The following CNBD1 variants were observed in gnomAD, a reference collection of about 807,000 sequenced individuals.
CNBD1 encodes cyclic nucleotide-binding domain-containing protein 1.
A neutral mutation model predicts 54.4 loss-of-function variants in CNBD1; 71 were observed. That is an observed-to-expected ratio of 1.30 (90% CI 1.08 to 1.59). The LOEUF is 1.59. Ranked by LOEUF, CNBD1 falls within the 40% of genes most tolerant of loss-of-function variation. The probability of loss-of-function intolerance (pLI) is 0.00; values close to 1 mark genes in which losing one functional copy is unlikely to be tolerated. For missense variants in CNBD1, 659 were observed against 518.0 expected, an observed-to-expected ratio of 1.27 and a Z score of -2.64; for synonymous variants, 182 against 170.7, an observed-to-expected ratio of 1.07 and a Z score of -0.51.
At chr8:87,424,404 TG>T (rs1808005877) in intron 2 of CNBD1, among the ~76,000 whole-genome samples, 1 of 152,178 alleles carries the variant, frequency 6.6e-6, no homozygotes, top group African/African-American at 2.4e-5. Flanking sequence ...CTTTCTCTTG[TG>T]GGCATTTAGT....
At chr8:87,351,625 A>G (rs1810296141) in intron 8 of CNBD1, 60 bp from the exon 9 acceptor site, 6 of 1,387,776 alleles carry the variant, frequency 4.3e-6, no homozygotes, top group Non-Finnish European at 5.7e-6. Context: ...TTGCTAAAAT[A>G]TCTAAAATAA....
intron 4 of CNBD1, among the ~76,000 whole-genome samples, chr8:86,990,286 G>A (rs916995118): frequency 6.6e-6 from 1 of 152,126 alleles, no homozygotes; most frequent in Non-Finnish European, 1.5e-5. Context: ...CAGCGTCCTA[G>A]ATAGTTTCTC....
rs139046219 is a variant in CNBD1, at chr8:87,399,356, C to T, written c.214-29190C>T. On this transcript the variant is annotated intron_variant, in intron 2 of 7. Transcript: ENST00000521593. ...TAGGAATGATTTAGGGTCACTAGGA[C>T]CTTTCCTGAGTCTTTTCTCTGTTCT... is the stretch of plus-strand genomic sequence containing the variant. Among the ~76,000 whole-genome samples the T allele has an allele frequency of 7.3e-3, 1,113 of 152,110 alleles. 13 individuals are homozygous for T. Among genetic ancestry groups the T allele is most frequent in the African/African-American group, 0.025 (1,047 of 41,534 alleles).
chr8:87,248,972 A>G (rs559553454), intron 6 of CNBD1, among the ~76,000 whole-genome samples: 1 of 152,254 alleles, frequency 6.6e-6, no homozygotes, highest in East Asian at 1.9e-4. Flanking sequence ...GCAACTATAC[A>G]ATTGAAGTAT....
intron 3 of CNBD1, among the ~76,000 whole-genome samples, chr8:86,924,661 T>G (rs1181452524): frequency 6.6e-6 from 1 of 152,100 alleles, no homozygotes; most frequent in African/African-American, 2.4e-5. Context: ...TAGAAGGAAT[T>G]TAGGCTATAA....
intron 4 of CNBD1, among the ~76,000 whole-genome samples, chr8:87,020,361 A>C (rs1441130243): frequency 6.6e-6 from 1 of 152,128 alleles, no homozygotes; most frequent in African/African-American, 2.4e-5. Flanking sequence ...ACTACATGGG[A>C]ATAAGCATTC....
At chr8:87,295,262 A>T (rs1808857910) in intron 8 of CNBD1, among the ~76,000 whole-genome samples, 2 of 151,842 alleles carry the variant, frequency 1.3e-5, no homozygotes, top group Admixed American at 1.3e-4. Context: ...ATCAGTTTTG[A>T]CTTTGACAAA....
chr8:87,326,171 C>A (rs1434796034), intron 8 of CNBD1, among the ~76,000 whole-genome samples: 1 of 128,186 alleles, frequency 7.8e-6, no homozygotes, highest in African/African-American at 2.9e-5. Flanking sequence ...GCCGAGAGAT[C>A]CGCTGTTAGT....
intron 4 of CNBD1, among the ~76,000 whole-genome samples, chr8:87,007,890 C>T (rs1335095085): frequency 6.6e-6 from 1 of 152,044 alleles, no homozygotes; most frequent in African/African-American, 2.4e-5. Context: ...TAGGACATTG[C>T]TCACAAGATC....
chr8:87,052,128 G>T (rs1157342984), intron 4 of CNBD1, among the ~76,000 whole-genome samples: 2 of 152,170 alleles, frequency 1.3e-5, no homozygotes, highest in Non-Finnish European at 2.9e-5. Flanking sequence ...GGCCTGTAAA[G>T]CAAGCACTAG....
chr8:87,284,728 A>C lies in CNBD1; in HGVS notation c.822A>C (p.Glu274Asp). The C allele has an allele frequency of 6.2e-7, 1 of 1,606,200 alleles. No homozygotes were observed. The highest frequency in any genetic ancestry group is 8.5e-7 in the Non-Finnish European group (1 of 1,176,330). ...FGTLEVMPQN[E>D]SETQMFSVVT... Reference sequence around the variant, plus strand: ...CTCTGGAAGTTATGCCTCAGAATGAATCGGAAACACAGATGTTCTCGGTGG... The same window carrying C: ...CTCTGGAAGTTATGCCTCAGAATGACTCGGAAACACAGATGTTCTCGGTGG... Residue 274 changes from glutamate to aspartate, a missense_variant, in exon 7 of 11, where the codon GAA becomes GAC. By Grantham distance (45) the Glu-to-Asp change is conservative. Transcript: ENST00000518476.
intron 3 of CNBD1, among the ~76,000 whole-genome samples, chr8:86,916,588 C>T (rs573490457): frequency 6.6e-6 from 1 of 152,116 alleles, no homozygotes; most frequent in Non-Finnish European, 1.5e-5. Flanking sequence ...ACGTGTAAGT[C>T]TACTTCACCC....
At chr8:87,311,566 A>G (rs1181325872) in intron 8 of CNBD1, among the ~76,000 whole-genome samples, 2 of 152,166 alleles carry the variant, frequency 1.3e-5, no homozygotes, top group African/African-American at 2.4e-5. Context: ...AAATGGAACT[A>G]CTAATAAACC....
chr8:87,181,363 CAA>C (rs1407491978), intron 4 of CNBD1, among the ~76,000 whole-genome samples: 1 of 152,134 alleles, frequency 6.6e-6, no homozygotes, highest in African/African-American at 2.4e-5. Flanking sequence ...CATCTCCTCA[CAA>C]AGATTCCTTG....
At chr8:86,989,307 A>AAATC (rs2130524192) in intron 4 of CNBD1, among the ~76,000 whole-genome samples, 1 of 149,926 alleles carries the variant, frequency 6.7e-6, no homozygotes, top group East Asian at 2.0e-4. Flanking sequence ...ACAAATAAAT[A>AAATC]CATACATACA....
intron 1 of CNBD1, among the ~76,000 whole-genome samples, chr8:86,873,494 A>G (rs1409730914): frequency 6.6e-6 from 1 of 152,002 alleles, no homozygotes; most frequent in African/African-American, 2.4e-5. Flanking sequence ...TATCTTTACA[A>G]TGCTCAGTCT....
intron 4 of CNBD1, among the ~76,000 whole-genome samples, chr8:87,162,721 T>C (rs1812883211): frequency 6.6e-6 from 1 of 152,090 alleles, no homozygotes; most frequent in Admixed American, 6.6e-5. Flanking sequence ...CCCAAAATTG[T>C]GTGTCTTGAT....
chr8:87,407,237 G>C (rs1807666850), intron 2 of CNBD1, among the ~76,000 whole-genome samples: 1 of 151,966 alleles, frequency 6.6e-6, no homozygotes, highest in South Asian at 2.1e-4. Flanking sequence ...GGTTTTACTT[G>C]TTTTAAAATT....
At chr8:87,013,557 C>T (rs1467290602) in intron 4 of CNBD1, among the ~76,000 whole-genome samples, 2 of 150,632 alleles carry the variant, frequency 1.3e-5, no homozygotes, top group African/African-American at 4.9e-5. Context: ...TACTTTTCTA[C>T]TGAGATTAAA....
Sources: allele counts gnomAD v4.1 joint callset (sites outside exome capture counted in the v4.1 genomes callset), GRCh38; gene constraint gnomAD v4.1.1; transcripts MANE v1.5; gene names NCBI Gene and HGNC (gene_info 2026-07-23, HGNC 2026-07-21).